The following GALK2 variants were observed in gnomAD, a reference collection of about 807,000 sequenced individuals.
GALK2 encodes the protein N-acetylgalactosamine kinase.
In GALK2, 36 loss-of-function variants were observed where a neutral mutation model predicts 52.4. That is an observed-to-expected ratio of 0.69 (90% CI 0.53 to 0.91). GALK2 has a LOEUF of 0.91. Ranked by LOEUF, GALK2 falls within the 40% of genes least tolerant of loss-of-function variation. GALK2 has a pLI of 0.00. For missense variants in GALK2, 579 were observed against 559.1 expected, an observed-to-expected ratio of 1.04 and a Z score of -0.36; for synonymous variants, 176 against 199.1, an observed-to-expected ratio of 0.88 and a Z score of 0.98.
chr15:49,303,147 T>G (rs1345477161), intron 8 of GALK2, among the ~76,000 whole-genome samples: 1 of 152,162 alleles, frequency 6.6e-6, no homozygotes, highest in Non-Finnish European at 1.5e-5. Context: ...CTACCTTGTT[T>G]CCTAGGGAAA....
intron 7 of GALK2, 88 bp from the exon 8 acceptor site, chr15:49,292,239 A>T: frequency 8.2e-7 from 1 of 1,226,414 alleles, no homozygotes; most frequent in Non-Finnish European, 1.2e-6. Context: ...CAAAACAAAA[A>T]ACAGCTTAAC....
chr15:49,278,204 T>C (rs141440829), intron 5 of GALK2, among the ~76,000 whole-genome samples: 3,387 of 152,256 alleles, frequency 0.022, 103 homozygotes, highest in South Asian at 0.075. Context: ...GAGCTTGCAG[T>C]GAGCCGAGAT....
intron 2 of GALK2, among the ~76,000 whole-genome samples, chr15:49,206,417 G>A (rs992640793): frequency 6.6e-6 from 1 of 151,938 alleles, no homozygotes; most frequent in Non-Finnish European, 1.5e-5. Flanking sequence ...GCTTTTGGCA[G>A]TATGGTCATT....
chr15:49,342,885 G>A (rs1476287670), intron 3 of GALK2, among the ~76,000 whole-genome samples: 3 of 152,142 alleles, frequency 2.0e-5, no homozygotes, highest in African/African-American at 7.2e-5. Context: ...GGTTTTTGCT[G>A]AGAAGTCTGC....
chr15:49,245,940 G>A (rs2091327085), intron 5 of GALK2, among the ~76,000 whole-genome samples: 1 of 152,164 alleles, frequency 6.6e-6, no homozygotes, highest in Non-Finnish European at 1.5e-5. Flanking sequence ...ATACCGGTAT[G>A]TCTTCTGTAT....
intron 3 of GALK2, among the ~76,000 whole-genome samples, chr15:49,361,787 G>A (rs2044288025): frequency 6.6e-6 from 1 of 152,100 alleles, no homozygotes; most frequent in South Asian, 2.1e-4. Context: ...GAGTTGAATG[G>A]TAATTCTGCT....
intron 8 of GALK2, among the ~76,000 whole-genome samples, chr15:49,310,382 T>C (rs2035891005): frequency 6.6e-6 from 1 of 152,170 alleles, no homozygotes. Context: ...ACTGATTTTC[T>C]TTCTTTTGGA....
At chr15:49,175,405 C>T (rs1467712994) in intron 1 of GALK2, among the ~76,000 whole-genome samples, 1 of 152,124 alleles carries the variant, frequency 6.6e-6, no homozygotes, top group Non-Finnish European at 1.5e-5. Context: ...TTACTTGTAG[C>T]CATGAGAATT....
At chr15:49,258,071 G>A (rs541761995) in intron 5 of GALK2, among the ~76,000 whole-genome samples, 1 of 151,870 alleles carries the variant, frequency 6.6e-6, no homozygotes, top group Non-Finnish European at 1.5e-5. Flanking sequence ...TAAAATCTTT[G>A]TATCTTTAAA....
chr15:49,228,557 C>T (rs1566957582), intron 3 of GALK2, among the ~76,000 whole-genome samples: 1 of 144,966 alleles, frequency 6.9e-6, no homozygotes, highest in Non-Finnish European at 1.5e-5. Flanking sequence ...TGTTCTGTTC[C>T]AATATTTTTG....
chr15:49,329,799 A>C lies in GALK2; in HGVS notation c.*1640A>C. ...TATATAATTCTTTAAAGATACCTGG[A>C]TCAGTGTAAAAAAAAAAAAAAAAAG... On this transcript the variant is annotated 3_prime_UTR_variant, in exon 10 of 10. Transcript: ENST00000560031. 1.1e-6 allele frequency: 1 copy of C among 882,034 alleles called. No individual in the cohort carries two copies. The highest frequency in any genetic ancestry group is 1.4e-6 in the Non-Finnish European group (1 of 740,510). 54.6% of individuals were successfully genotyped at this position (882,034 alleles called of 1,614,324 possible).
chr15:49,265,170 C>A (rs2092310799), intron 5 of GALK2, among the ~76,000 whole-genome samples: 1 of 152,224 alleles, frequency 6.6e-6, no homozygotes, highest in Non-Finnish European at 1.5e-5. Context: ...GCCCTTCCCC[C>A]AGAGGTGGAG....
At chr15:49,342,372 T>G (rs1459786648) in intron 3 of GALK2, among the ~76,000 whole-genome samples, 1 of 152,192 alleles carries the variant, frequency 6.6e-6, no homozygotes, top group African/African-American at 2.4e-5. Context: ...GTTTTCCATT[T>G]ATGTGATAGA....
intron 1 of GALK2, chr15:49,156,444 C>G: frequency 2.2e-6 from 1 of 462,084 alleles, no homozygotes. Flanking sequence ...AGCCTCCTGC[C>G]AGAGCAGATT....
At chr15:49,170,499 G>A in intron 1 of GALK2, 124 bp downstream of exon 1, 3 of 932,884 alleles carry the variant, frequency 3.2e-6, no homozygotes, top group Non-Finnish European at 4.9e-6. Context: ...TGGAACCCTT[G>A]GGATTCTATA....
intron 3 of GALK2, among the ~76,000 whole-genome samples, chr15:49,356,039 C>T (rs1226829003): frequency 1.3e-5 from 2 of 151,866 alleles, no homozygotes; most frequent in South Asian, 4.2e-4. Context: ...CAAGCAAATG[C>T]TGAGAGATTT....
At chr15:49,221,289 C>A (rs2089775031) in intron 3 of GALK2, among the ~76,000 whole-genome samples, 2 of 152,260 alleles carry the variant, frequency 1.3e-5, no homozygotes, top group South Asian at 4.1e-4. Flanking sequence ...CATTCTTCTG[C>A]ATATGGGTAT....
intron 5 of GALK2, among the ~76,000 whole-genome samples, chr15:49,247,266 A>G (rs932195475): frequency 6.6e-6 from 1 of 152,128 alleles, no homozygotes; most frequent in Admixed American, 6.6e-5. Flanking sequence ...AGAGTTGGTC[A>G]AGGGCCATGG....
intron 5 of GALK2, among the ~76,000 whole-genome samples, chr15:49,257,228 A>C (rs560796317): frequency 6.6e-6 from 1 of 152,308 alleles, no homozygotes; most frequent in African/African-American, 2.4e-5. Flanking sequence ...ATACAGACAT[A>C]AATCCCATAA....
Sources: allele counts gnomAD v4.1 joint callset (sites outside exome capture counted in the v4.1 genomes callset), GRCh38; gene constraint gnomAD v4.1.1; transcripts MANE v1.5; gene names NCBI Gene and HGNC (gene_info 2026-07-23, HGNC 2026-07-21).